The following GDPD5 variants were observed in gnomAD, a reference collection of about 807,000 sequenced individuals.
The protein encoded by GDPD5 is glycerophosphodiester phosphodiesterase 2.
GDPD5 carries 48 observed loss-of-function variants against 75.1 expected under a neutral mutation model. The observed-to-expected ratio is 0.64, with a 90% CI of 0.51 to 0.81. The LOEUF is 0.81. GDPD5 is among the 40% of genes least tolerant of loss of function. GDPD5 has a pLI of 0.00. For missense variants in GDPD5, 706 were observed against 822.6 expected (o/e 0.86, Z 1.73); for synonymous variants, 336 against 339.0 (o/e 0.99, Z 0.10).
intron 6 of GDPD5, chr11:75,452,065 G>C (rs1392800739): frequency 6.6e-6 from 1 of 152,314 alleles, no homozygotes; most frequent in East Asian, 1.9e-4. Flanking sequence ...AGCCATGGTG[G>C]GTACAGGGGA....
At chr11:75,457,386 G>T (rs1020209430) in intron 5 of GDPD5, among the ~76,000 whole-genome samples, 1 of 152,196 alleles carries the variant, frequency 6.6e-6, no homozygotes, top group Non-Finnish European at 1.5e-5. Flanking sequence ...CAGGCCTCAG[G>T]TGCAGCAGCC....
chr11:75,445,297 A>G, intron 9 of GDPD5, among the ~76,000 whole-genome samples: 1 of 152,152 alleles, frequency 6.6e-6, no homozygotes, highest in South Asian at 2.1e-4. Context: ...CTACAGGTGC[A>G]TGCCACCACA....
chr11:75,473,189 G>T (rs1452449523), intron 3 of GDPD5, among the ~76,000 whole-genome samples: 1 of 152,022 alleles, frequency 6.6e-6, no homozygotes, highest in Non-Finnish European at 1.5e-5. Context: ...GTAGGGTGAT[G>T]GGGGGCTCTC....
At chr11:75,524,134 GC>G (rs1321205638) in intron 1 of GDPD5, among the ~76,000 whole-genome samples, 1 of 152,236 alleles carries the variant, frequency 6.6e-6, no homozygotes, top group African/African-American at 2.4e-5. Context: ...AGCCCTGGGA[GC>G]CCCCAGCCTT....
chr11:75,475,790 A>T (rs1220538192), intron 3 of GDPD5, among the ~76,000 whole-genome samples: 1 of 152,026 alleles, frequency 6.6e-6, no homozygotes, highest in Non-Finnish European at 1.5e-5. Flanking sequence ...AGCCTAGCTC[A>T]TGGCCCCCTG....
chr11:75,456,324 C>G (rs1949285165), intron 6 of GDPD5, among the ~76,000 whole-genome samples: 1 of 152,102 alleles, frequency 6.6e-6, no homozygotes, highest in South Asian at 2.1e-4. Context: ...ATCGCCAGAT[C>G]AGGGTTTTCA....
At chr11:75,510,957 T>C (rs1950506326) in intron 1 of GDPD5, among the ~76,000 whole-genome samples, 1 of 152,230 alleles carries the variant, frequency 6.6e-6, no homozygotes, top group South Asian at 2.1e-4. Flanking sequence ...AGATCACTTC[T>C]TCCTTTTAAG....
chr11:75,474,516 C>T (rs942189062), intron 3 of GDPD5, among the ~76,000 whole-genome samples: 4 of 152,202 alleles, frequency 2.6e-5, no homozygotes, highest in African/African-American at 9.6e-5. Context: ...TGCCAGGCTC[C>T]TCCACTCCTC....
intron 1 of GDPD5, among the ~76,000 whole-genome samples, chr11:75,496,984 T>C (rs1950223549): frequency 6.6e-6 from 1 of 152,026 alleles, no homozygotes. Flanking sequence ...GGTTTTGCCA[T>C]GTTGCCCAGG....
At chr11:75,445,379 C>G (rs1948959661) in intron 9 of GDPD5, among the ~76,000 whole-genome samples, 1 of 152,210 alleles carries the variant, frequency 6.6e-6, no homozygotes, top group Admixed American at 6.5e-5. Flanking sequence ...CTCTGTGGGT[C>G]TCAGTTTCCC....
At chr11:75,475,223 G>A (rs1422032472) in intron 3 of GDPD5, among the ~76,000 whole-genome samples, 1 of 152,218 alleles carries the variant, frequency 6.6e-6, no homozygotes, top group Non-Finnish European at 1.5e-5. Flanking sequence ...TGAGACTCAG[G>A]GAGATCGGGT....
At position 75,489,391 on chromosome 11, in the gene GDPD5, G is replaced by A. The variant is rs374899232; in HGVS notation, c.-61+846C>T. ...CTTCCAGGCAGGTCCGAGAACCTGG[G>A]GCCTAAACTTTTCCTCCCTTCCTTC... On this transcript the variant is annotated intron_variant, in intron 2 of 16. Transcript: ENST00000336898. 2.9e-4 allele frequency among the ~76,000 whole-genome samples: 44 copies of A among 152,252 alleles called. 2 individuals carry two copies. Among genetic ancestry groups the A allele is most frequent in the African/African-American group, 9.9e-4 (41 of 41,538 alleles).
At chr11:75,523,373 C>G (rs1941540443) in intron 1 of GDPD5, among the ~76,000 whole-genome samples, 1 of 152,176 alleles carries the variant, frequency 6.6e-6, no homozygotes, top group Admixed American at 6.5e-5. Context: ...ATGCAGCTGG[C>G]ACTCAAACAG....
At chr11:75,522,035 C>T (rs946383516) in intron 1 of GDPD5, among the ~76,000 whole-genome samples, 7 of 152,108 alleles carry the variant, frequency 4.6e-5, no homozygotes, top group African/African-American at 1.4e-4. Context: ...CCTATATGGG[C>T]ATTCACCCCT....
intron 6 of GDPD5, chr11:75,455,427 T>C: frequency 2.2e-6 from 1 of 453,052 alleles, no homozygotes; most frequent in Non-Finnish European, 4.4e-6. Flanking sequence ...ACTCTAAGAC[T>C]TCAGTCTCTG....
At chr11:75,517,967 G>A (rs1268590082) in intron 1 of GDPD5, among the ~76,000 whole-genome samples, 1 of 152,186 alleles carries the variant, frequency 6.6e-6, no homozygotes, top group Non-Finnish European at 1.5e-5. Flanking sequence ...GCAAAACTGA[G>A]CAAAACAAAA....
intron 15 of GDPD5, 105 bp from the exon 16 acceptor site, chr11:75,437,153 C>G: frequency 1.3e-6 from 1 of 780,156 alleles, no homozygotes; most frequent in South Asian, 1.6e-5. Flanking sequence ...AAGAGACCAG[C>G]AGGACTCTTG....
chr11:75,484,247 G>A (rs369090913), intron 2 of GDPD5, among the ~76,000 whole-genome samples: 224 of 152,272 alleles, frequency 1.5e-3, no homozygotes, highest in Middle Eastern at 6.8e-3. Context: ...TGATGGTTGC[G>A]AACTTTATCT....
intron 3 of GDPD5, among the ~76,000 whole-genome samples, chr11:75,465,157 T>C (rs936004549): frequency 6.6e-6 from 1 of 152,048 alleles, no homozygotes; most frequent in Non-Finnish European, 1.5e-5. Flanking sequence ...AGCTTGAGAG[T>C]CCCACTGGCA....
Sources: gnomAD v4.1 joint callset for allele counts (sites outside exome capture counted in the v4.1 genomes callset) on GRCh38, gnomAD v4.1.1 for gene constraint, MANE v1.5 for transcripts, NCBI Gene and HGNC (gene_info 2026-07-23, HGNC 2026-07-21) for gene names.